Variants in C18orf63 observed in about 807,000 individuals in gnomAD.
C18orf63 encodes uncharacterized protein C18orf63.
In C18orf63, 50 loss-of-function variants were observed where a neutral mutation model predicts 75.3. The observed-to-expected ratio is 0.66, with a 90% CI of 0.53 to 0.84. The LOEUF is 0.84. Among genes scored for constraint, C18orf63 ranks in the 40% least tolerant of loss-of-function variants. C18orf63 has a pLI of 0.00. For missense variants in C18orf63, 732 were observed against 800.2 expected (o/e 0.91, Z 1.03); for synonymous variants, 232 against 267.6 (o/e 0.87, Z 1.30).
chr18:74,339,829 T>G (rs1984450397), intron 8 of C18orf63, among the ~76,000 whole-genome samples: 1 of 152,140 alleles, frequency 6.6e-6, no homozygotes, highest in South Asian at 2.1e-4. Context: ...AAAGTAGCAT[T>G]TCTATATACT....
In C18orf63 at chr18:74,353,878, C is replaced by T. The variant is rs1984715550; in HGVS notation, c.1611C>T (p.Asn537=). The change falls in exon 12 of 14, where the codon AAC becomes AAT. Residue 537 remains asparagine, a synonymous_variant. Coordinates refer to ENST00000579455, the MANE Select transcript of C18orf63 (RefSeq NM_001174123.2). ...SSRGKSTVSL[N]KNKQLSNSAV... The stretch of plus-strand genomic sequence containing the variant: ...GTGGAAAATCGACTGTGAGTTTAAA[C>T]AAAAATAAGCAACTATCTAATAGTG... 1 of 1,535,720 alleles carries T rather than the reference C, an allele frequency of 6.5e-7. No homozygotes were observed. Among genetic ancestry groups the T allele is most frequent in the Non-Finnish European group, 8.7e-7 (1 of 1,146,834 alleles).
intron 1 of C18orf63, among the ~76,000 whole-genome samples, chr18:74,316,974 G>A (rs1984037418): frequency 6.6e-6 from 1 of 152,184 alleles, no homozygotes; most frequent in South Asian, 2.1e-4. Context: ...TTGGTGACCT[G>A]GAATTTACAT....
At chr18:74,326,112 G>C (rs938401177) in intron 4 of C18orf63, among the ~76,000 whole-genome samples, 1 of 152,124 alleles carries the variant, frequency 6.6e-6, no homozygotes, top group Non-Finnish European at 1.5e-5. Flanking sequence ...TGGGCCCCTG[G>C]GGCCATGTTT....
intron 7 of C18orf63, among the ~76,000 whole-genome samples, chr18:74,338,057 C>A (rs899900573): frequency 6.6e-6 from 1 of 152,044 alleles, no homozygotes; most frequent in African/African-American, 2.4e-5. Flanking sequence ...GTCCTTTCAC[C>A]CATTAATACT....
At position 74,353,732 on chromosome 18, in the gene C18orf63, A is replaced by C; in HGVS notation, c.1465A>C (p.Asn489His). The change falls in exon 12 of 14, where the codon AAC becomes CAC. Residue 489 changes from asparagine (N) to histidine (H), a missense_variant. Transcript: ENST00000579455. ...DKLNLGPAIK[N>H]RYSSNIQMQA... ...ACTGAATTTAGGTCCAGCTATAAAA[A>C]ACCGTTATAGTAGTAACATTCAGAT... 1 of 1,536,108 alleles carries C rather than the reference A, an allele frequency of 6.5e-7. No individual in the cohort carries two copies. Among genetic ancestry groups the C allele is most frequent in the South Asian group, 1.2e-5 (1 of 84,056 alleles).
chr18:74,349,946 A>G (rs1000270555), intron 11 of C18orf63, among the ~76,000 whole-genome samples: 1 of 152,218 alleles, frequency 6.6e-6, no homozygotes, highest in Non-Finnish European at 1.5e-5. Context: ...CCTAGCTGCA[A>G]AAGATGAAAT....
chr18:74,319,075 G>A (rs1459381030), intron 2 of C18orf63, among the ~76,000 whole-genome samples: 5 of 152,152 alleles, frequency 3.3e-5, no homozygotes, highest in Non-Finnish European at 7.3e-5. Flanking sequence ...GGGCATCAGG[G>A]AGCCTGTACC....
At chr18:74,345,830 TATAA>T (rs927667133) in intron 11 of C18orf63, among the ~76,000 whole-genome samples, 8 of 151,980 alleles carry the variant, frequency 5.3e-5, no homozygotes, top group African/African-American at 1.7e-4. Context: ...TTATATTTAT[TATAA>T]ATAGTGTTTT....
In C18orf63 at chr18:74,330,931, C is replaced by A. The variant is rs868162199; in HGVS notation, c.490C>A (p.Pro164Thr). The change falls in exon 7 of 14, where the codon CCA becomes ACA. Residue 164 changes from proline to threonine, a missense_variant. By Grantham distance (38) the Pro-to-Thr change is conservative. Coordinates refer to ENST00000579455, the MANE Select transcript of C18orf63 (RefSeq NM_001174123.2). ...LSIEACTIRL[P>T]APELKEFEIS... is the part of the protein sequence containing the mutation. ...TATAGAAGCTTGCACAATCAGACTG[C>A]CAGCACCTGAGGTACCATATATTGT... The A allele has an allele frequency of 6.9e-7, 1 of 1,446,584 alleles. No individual in the cohort carries two copies. The highest frequency in any genetic ancestry group is 9.2e-7 in the Non-Finnish European group (1 of 1,084,858). 89.6% of individuals were successfully genotyped at this position (1,446,584 alleles called of 1,614,324 possible). A position where few individuals can be genotyped will look rare whatever the true frequency, so the allele number is the denominator to read the frequency against.
chr18:74,350,540 C>T (rs184268897), intron 11 of C18orf63, among the ~76,000 whole-genome samples: 1 of 152,194 alleles, frequency 6.6e-6, no homozygotes, highest in Admixed American at 6.5e-5. Flanking sequence ...GGAAACAGGC[C>T]CGGAACAGAT....
chr18:74,343,781 T>C (rs1984527320), intron 11 of C18orf63, 79 bp downstream of exon 11: 11 of 893,352 alleles, frequency 1.2e-5, no homozygotes, highest in Non-Finnish European at 1.7e-5. Context: ...TCTTCTGGGG[T>C]GGAACACCCA....
chr18:74,344,249 A>G (rs536131269), intron 11 of C18orf63, among the ~76,000 whole-genome samples: 1 of 152,176 alleles, frequency 6.6e-6, no homozygotes, highest in Admixed American at 6.5e-5. Context: ...ATTGGCCTAC[A>G]TCTCAGAGTT....
At chr18:74,336,237 G>A (rs780026387) in intron 7 of C18orf63, among the ~76,000 whole-genome samples, 37 of 151,950 alleles carry the variant, frequency 2.4e-4, no homozygotes, top group Non-Finnish European at 4.0e-4. Flanking sequence ...CTAGCCTTAG[G>A]TTTTTTGGTT....
At chr18:74,324,672 AC>A (rs1984179367) in intron 4 of C18orf63, among the ~76,000 whole-genome samples, 1 of 152,158 alleles carries the variant, frequency 6.6e-6, no homozygotes, top group Admixed American at 6.5e-5. Context: ...AGAAAATATC[AC>A]CCATAGTCCT....
chr18:74,322,790 G>C, intron 4 of C18orf63, 36 bp downstream of exon 4: 1 of 853,888 alleles, frequency 1.2e-6, no homozygotes. Context: ...ACCATATGTT[G>C]TTTATAGGGA....
chr18:74,353,797 T>C lies in C18orf63; in HGVS notation c.1530T>C (p.Pro510=). 2.0e-6 allele frequency: 3 copies of C among 1,535,914 alleles called. No homozygotes were observed. The highest frequency in any genetic ancestry group is 1.7e-6 in the Non-Finnish European group (2 of 1,146,816). The change falls in exon 12 of 14, where the codon CCT becomes CCC. Residue 510 remains proline, a synonymous_variant. Coordinates refer to ENST00000579455, the MANE Select transcript of C18orf63 (RefSeq NM_001174123.2). The part of the protein sequence containing the change: ...ANNLNQENSR[P]LQEKNTESSE... ...ATTTAAATCAGGAGAATTCCAGACC[T>C]CTGCAAGAAAAAAATACAGAGTCTT...
Position 74,354,601 on chromosome 18 carries a change from CA to C in C18orf63, c.*33+57del, listed in dbSNP as rs148920473. On this transcript the variant is annotated intron_variant, in intron 13 of 13. Coordinates refer to ENST00000579455, the MANE Select transcript of C18orf63 (RefSeq NM_001174123.2). ...TTTACATTATCTGAATTGGGATTGCCAAGTTTAGGGGTCCCCAACCTCTTGG... is the reference window on the plus strand; with the variant it reads ...TTTACATTATCTGAATTGGGATTGCCAGTTTAGGGGTCCCCAACCTCTTGG... The C allele has an allele frequency of 7.6e-3, 6,600 of 869,688 alleles. 289 individuals carry two copies. In the African/African-American group the frequency reaches 0.097, roughly 13 times the overall value. The allele number at this position is 869,688 out of a possible 1,614,324, so 53.9% of individuals were successfully genotyped here. A position where few individuals can be genotyped will look rare whatever the true frequency, so the allele number is the denominator to read the frequency against.
chr18:74,339,427 C>A (rs555901556), intron 8 of C18orf63, among the ~76,000 whole-genome samples: 3 of 152,176 alleles, frequency 2.0e-5, no homozygotes, highest in African/African-American at 7.2e-5. Flanking sequence ...TTTGTGCTTA[C>A]AATTGGCACA....
At chr18:74,325,740 T>G (rs974352298) in intron 4 of C18orf63, among the ~76,000 whole-genome samples, 2 of 152,196 alleles carry the variant, frequency 1.3e-5, no homozygotes, top group African/African-American at 4.8e-5. Context: ...TTGGAGGAGT[T>G]TCTTAGAGAG....
Sources: allele counts gnomAD v4.1 joint callset (sites outside exome capture counted in the v4.1 genomes callset), GRCh38; gene constraint gnomAD v4.1.1; transcripts MANE v1.5; gene names NCBI Gene and HGNC (gene_info 2026-07-23, HGNC 2026-07-21).